Variants in IGFN1 observed in about 807,000 individuals in gnomAD.
The protein encoded by IGFN1 is immunoglobulin-like and fibronectin type III domain-containing protein 1.
In IGFN1, 253 loss-of-function variants were observed where a neutral mutation model predicts 289.5. That is an observed-to-expected ratio of 0.87 (90% confidence interval 0.79 to 0.97). The LOEUF (loss-of-function observed/expected upper bound fraction) is 0.97. IGFN1 is among the 50% of genes least tolerant of loss of function. IGFN1 has a pLI of 0.00. For synonymous variants in IGFN1, 1,706 were observed against 1,788.5 expected, an observed-to-expected ratio of 0.95 and a Z score of 1.16; for missense variants, 4,470 against 4,686.1, an observed-to-expected ratio of 0.95 and a Z score of 1.35.
intron 17 of IGFN1, 37 bp downstream of exon 17, chr1:201,217,497 C>A (rs1461939405): frequency 6.2e-7 from 1 of 1,603,674 alleles, no homozygotes; most frequent in Admixed American, 1.7e-5. Flanking sequence ...TTCCTTAGAC[C>A]CCTCCTGGCT....
intron 16 of IGFN1, 118 bp from the exon 17 acceptor site, chr1:201,217,169 C>G: frequency 1.1e-6 from 1 of 888,142 alleles, no homozygotes; most frequent in Non-Finnish European, 1.8e-6. Flanking sequence ...CCGACACTCA[C>G]CAGGACAGGG....
chr1:201,204,529 G>A (rs913784749), intron 10 of IGFN1, among the ~76,000 whole-genome samples: 3 of 152,064 alleles, frequency 2.0e-5, no homozygotes, highest in African/African-American at 7.2e-5. Flanking sequence ...AGTTGGGGGA[G>A]AAAAAAGGGG....
intron 2 of IGFN1, 73 bp from the exon 3 acceptor site, chr1:201,194,080 GC>G (rs1433530617): frequency 6.6e-7 from 1 of 1,514,858 alleles, no homozygotes; most frequent in African/African-American, 1.4e-5. Flanking sequence ...GTGGGTGGAT[GC>G]CCATTCTGTT....
chr1:201,194,372 C>T (rs1666796713), intron 3 of IGFN1, 99 bp downstream of exon 3: 9 of 1,337,670 alleles, frequency 6.7e-6, no homozygotes, highest in Non-Finnish European at 9.2e-6. Context: ...GGACCCAGGC[C>T]CTATATCCAT....
intron 1 of IGFN1, among the ~76,000 whole-genome samples, chr1:201,192,039 C>T (rs1235677494): frequency 6.6e-6 from 1 of 152,234 alleles, no homozygotes; most frequent in Non-Finnish European, 1.5e-5. Context: ...CAGCTGGGTC[C>T]TCATCCGTTG....
Position 201,210,705 on chromosome 1 carries a change from T to C in IGFN1, c.5812T>C (p.Ser1938Pro). The change falls in exon 12 of 24, where the codon TCA becomes CCA. Residue 1938 changes from serine (S) to proline (P), a missense_variant. Ser to Pro is a moderately conservative substitution (Grantham distance 74). Around this residue, in one of 8 missense-constraint regions of IGFN1, gnomAD observed 108 missense variants for 128.7 expected, o/e 0.84. Coordinates refer to ENST00000335211, the MANE Select transcript of IGFN1 (RefSeq NM_001164586.2). ...KDLGAPEGMG[S>P]GSKEGFRDGL... ...TTTGGGGGCTCCTGAGGGAATGGGT[T>C]CAGGGAGTAAGGAAGGTTTCAGGGA... is the stretch of plus-strand genomic sequence containing the variant. 6.5e-7 allele frequency: 1 copy of C among 1,529,542 alleles called. No individual in the cohort carries two copies. The highest frequency in any genetic ancestry group is 8.7e-7 in the Non-Finnish European group (1 of 1,144,886). The allele number at this position is 1,529,542 out of a possible 1,614,324, so 94.7% of individuals were successfully genotyped here.
Position 201,218,708 on chromosome 1 carries a change from C to A in IGFN1, c.9898+50C>A, listed in dbSNP as rs376153551. 2.9e-4 allele frequency: 456 copies of A among 1,557,636 alleles called. 2 individuals carry two copies. In the African/African-American group the frequency reaches 5.1e-3, roughly 17 times the overall value. ...GGGGGTGGAGGTGAGCATGGGATAG[C>A]CCTGAAGCTGGGTGGGACTTGATGG... On this transcript the variant is annotated intron_variant, in intron 18 of 23. Coordinates refer to ENST00000335211, the MANE Select transcript of IGFN1 (RefSeq NM_001164586.2).
In IGFN1 at chr1:201,205,185, C is replaced by T. The variant is rs1361857891; in HGVS notation, c.1020C>T (p.Ala340=). ...TCTCCAGCCCCTGCCCTAGTGCAGC[C>T]TGGCATTTCCGGCACCGGCTACTCC... ...CTLSSPCPSA[A]WHFRHRLLHP... The change falls in exon 11 of 24, where the codon GCC becomes GCT. Residue 340 remains alanine (A), a synonymous_variant. Transcript: ENST00000335211. The T allele has an allele frequency of 5.8e-6, 9 of 1,551,334 alleles. No homozygotes were observed. The highest frequency in any genetic ancestry group is 7.8e-6 in the Non-Finnish European group (9 of 1,146,996).
Position 201,209,320 on chromosome 1 carries a change from C to A in IGFN1, c.4427C>A (p.Ala1476Glu). The A allele has an allele frequency of 1.4e-6, 2 of 1,480,710 alleles. No homozygotes were observed. The highest frequency in any genetic ancestry group is 1.8e-6 in the Non-Finnish European group (2 of 1,126,174). 91.7% of individuals were successfully genotyped at this position (1,480,710 alleles called of 1,614,324 possible). ...GAGAGAATGGATTCAGGGAGCAAGGCAGGTTACAGGGGTGGTTTAAGGGGT... is the reference window on the plus strand; with the variant it reads ...GAGAGAATGGATTCAGGGAGCAAGGAAGGTTACAGGGGTGGTTTAAGGGGT... ...APERMDSGSK[A>E]GYRGGLRGSG... The change falls in exon 12 of 24, where the codon GCA becomes GAA. Residue 1476 changes from alanine (A) to glutamate (E), a missense_variant. Ala to Glu is a moderately radical substitution (Grantham distance 107). Coordinates refer to ENST00000335211, the MANE Select transcript of IGFN1 (RefSeq NM_001164586.2).
At position 201,216,624 on chromosome 1, in the gene IGFN1, G is replaced by A. The variant is rs143770388; in HGVS notation, c.9466G>A (p.Ala3156Thr). Residue 3156 changes from alanine to threonine, a missense_variant, in exon 16 of 24, where the codon GCT becomes ACT. Physicochemically the swap from Ala to Thr is moderately conservative, Grantham distance 58 (BLOSUM62 0). Around this residue, in one of 8 missense-constraint regions of IGFN1, gnomAD observed 2,218 missense variants for 2,114.1 expected, o/e 1.05. Transcript: ENST00000335211. The stretch of plus-strand genomic sequence containing the variant: ...TTGGCTGAAGGTGGGCGAGGCCCCC[G>A]CTGACAGCACCACCTTCACGGATGC... Reference protein sequence around the residue: ...STWLKVGEAPADSTTFTDAHV... With the variant: ...STWLKVGEAPTDSTTFTDAHV... 22,345 of 1,613,890 alleles carry A rather than the reference G, an allele frequency of 0.014. 202 individuals carry two copies. The highest frequency in any genetic ancestry group is 0.017 in the Non-Finnish European group (19,544 of 1,179,910).
rs751626323 is a variant in IGFN1, at chr1:201,216,538, A to G, written c.9380A>G (p.Asp3127Gly). Residue 3127 changes from aspartate (D) to glycine (G), a missense_variant, in exon 16 of 24, where the codon GAC becomes GGC. Coordinates refer to ENST00000335211, the MANE Select transcript of IGFN1 (RefSeq NM_001164586.2). ...GVCLRWRPPR[D>G]NGGRTVECYV... ...TGCCTCCGCTGGCGGCCCCCAAGGG[A>G]CAATGGGGGCCGGACTGTAGAGTGC... 6.2e-7 allele frequency: 1 copy of G among 1,612,854 alleles called. No homozygotes were observed. The highest frequency in any genetic ancestry group is 8.5e-7 in the Non-Finnish European group (1 of 1,179,438).
chr1:201,200,173 G>A (rs1024006380), intron 7 of IGFN1, 64 bp from the exon 8 acceptor site: 6 of 1,381,574 alleles, frequency 4.3e-6, no homozygotes, highest in East Asian at 2.5e-5. Context: ...GGACACCAGA[G>A]CCAGGTGGCC....
Position 201,196,030 on chromosome 1 carries a change from C to A in IGFN1, c.267+52C>A, listed in dbSNP as rs1444610753. 1.0e-5 allele frequency: 16 copies of A among 1,525,290 alleles called. No individual in the cohort carries two copies. In the Admixed American group the frequency reaches 3.2e-4, roughly 31 times the overall value. The allele number at this position is 1,525,290 out of a possible 1,614,324, so 94.5% of individuals were successfully genotyped here. On this transcript the variant is annotated intron_variant, in intron 4 of 23. Coordinates refer to ENST00000335211, the MANE Select transcript of IGFN1 (RefSeq NM_001164586.2). ...CAGGGTCTACTCGTCTTTTCCCATC[C>A]CCTTGAAGGTCTCTTTGGCAGCCTC... is the stretch of plus-strand genomic sequence containing the variant.
intron 1 of IGFN1, 123 bp from the exon 2 acceptor site, chr1:201,193,124 C>T: frequency 1.7e-6 from 1 of 605,128 alleles, no homozygotes; most frequent in Non-Finnish European, 3.0e-6. Context: ...GTTAGAAAAG[C>T]TCTTGGGGGC....
chr1:201,211,657 G>T lies in IGFN1; in HGVS notation c.6764G>T (p.Gly2255Val). The change falls in exon 12 of 24, where the codon GGA becomes GTA. Residue 2255 changes from glycine to valine, a missense_variant. By Grantham distance (109) the Gly-to-Val change is moderately radical. This residue lies in a region of IGFN1 where 2,218 missense variants were observed against 2,114.1 expected (regional missense o/e 1.05). Coordinates refer to ENST00000335211, the MANE Select transcript of IGFN1 (RefSeq NM_001164586.2). The stretch of plus-strand genomic sequence containing the variant: ...GAGGCAGATTATAGGAAGGATTTGG[G>T]AGCTCCTGAGGAAATGGGTTCAGGC... ...MDEADYRKDL[G>V]APEEMGSGSY... The T allele has an allele frequency of 6.5e-7, 1 of 1,537,008 alleles. No homozygotes were observed. Among genetic ancestry groups the T allele is most frequent in the Non-Finnish European group, 8.7e-7 (1 of 1,146,814 alleles).
intron 13 of IGFN1, among the ~76,000 whole-genome samples, chr1:201,214,502 C>T (rs531756080): frequency 6.6e-6 from 1 of 152,256 alleles, no homozygotes; most frequent in Admixed American, 6.5e-5. Context: ...GTATCCTATG[C>T]CCCTCAGCAT....
In IGFN1 at chr1:201,208,390, A is replaced by G; in HGVS notation, c.3497A>G (p.Asp1166Gly). 6.9e-7 allele frequency: 1 copy of G among 1,453,138 alleles called. No homozygotes were observed. The highest frequency in any genetic ancestry group is 9.0e-7 in the Non-Finnish European group (1 of 1,111,592). 90.0% of individuals were successfully genotyped at this position (1,453,138 alleles called of 1,614,324 possible). A position where few individuals can be genotyped will look rare whatever the true frequency, so the allele number is the denominator to read the frequency against. ...LRAGSKVGEG[D>G]GTRCPGAKAS... ...GCAGGAAGCAAAGTGGGTGAGGGGGATGGGACAAGATGCCCTGGTGCTAAG... is the reference window on the plus strand; with the variant it reads ...GCAGGAAGCAAAGTGGGTGAGGGGGGTGGGACAAGATGCCCTGGTGCTAAG... The change falls in exon 12 of 24, where the codon GAT (aspartate) becomes GGT (glycine). Residue 1166 changes from aspartate (D) to glycine (G), a missense_variant. Around this residue, in one of 8 missense-constraint regions of IGFN1, gnomAD observed 2,011 missense variants for 1,953.4 expected, o/e 1.03. Transcript: ENST00000335211.
intron 3 of IGFN1, among the ~76,000 whole-genome samples, chr1:201,194,707 G>A (rs1666816429): frequency 6.6e-6 from 1 of 152,184 alleles, no homozygotes; most frequent in Non-Finnish European, 1.5e-5. Context: ...CTGGGCTCAG[G>A]AAGGCCCTTC....
At position 201,194,160 on chromosome 1, in the gene IGFN1, T is replaced by A; in HGVS notation, c.14T>A (p.Leu5His). 6.4e-7 allele frequency: 1 copy of A among 1,551,440 alleles called. No homozygotes were observed. Among genetic ancestry groups the A allele is most frequent in the African/African-American group, 1.4e-5 (1 of 73,138 alleles). Residue 5 changes from leucine (L) to histidine (H), a missense_variant, in exon 3 of 24, where the codon CTC (leucine) becomes CAC (histidine). By Grantham distance (99) the Leu-to-His change is moderately conservative. Transcript: ENST00000335211. MAGKLRKSHIPGVSI... is the reference protein window; with the variant it reads MAGKHRKSHIPGVSI... ...TCCCTCCTGCATTCTCCAGGAAAGC[T>A]CCGGAAGTCCCACATCCCTGGAGTG... is the stretch of plus-strand genomic sequence containing the variant.
Sources: gnomAD v4.1 joint callset for allele counts (sites outside exome capture counted in the v4.1 genomes callset) on GRCh38, gnomAD v4.1.1 for gene constraint, gnomAD v4.1.1 regional missense constraint, MANE v1.5 for transcripts, NCBI Gene and HGNC (gene_info 2026-07-23, HGNC 2026-07-21) for gene names.